MICU1: variants seen among roughly 807,000 people sequenced by gnomAD.
MICU1 encodes the protein mitochondrial calcium uptake 1.
A neutral mutation model predicts 56.8 loss-of-function variants in MICU1; 45 were observed. The ratio of observed to expected loss-of-function variants is 0.79; its 90% CI spans 0.62 to 1.02. The LOEUF is 1.02. Ranked by LOEUF, MICU1 falls within the 50% of genes least tolerant of loss-of-function variation. The probability of loss-of-function intolerance (pLI) is 0.00; values close to 1 mark genes in which losing one functional copy is unlikely to be tolerated. For missense variants in MICU1, 504 were observed against 587.1 expected (o/e 0.86, Z 1.46); for synonymous variants, 186 against 195.1 (o/e 0.95, Z 0.39).
chr10:72,448,124 T>TGTGTGG (rs1479088090), intron 8 of MICU1, among the ~76,000 whole-genome samples: 4 of 108,546 alleles, frequency 3.7e-5, no homozygotes, highest in Non-Finnish European at 7.1e-5. Flanking sequence ...TATATATATG[T>TGTGTGG]GTGTGTGTGT....
At chr10:72,518,355 TTG>T (rs1867716252) in intron 5 of MICU1, among the ~76,000 whole-genome samples, 1 of 152,004 alleles carries the variant, frequency 6.6e-6, no homozygotes, top group South Asian at 2.1e-4. Context: ...TTAAAAAAAT[TTG>T]TGTTATTAAT....
chr10:72,443,601 T>C (rs1483909832), intron 8 of MICU1, among the ~76,000 whole-genome samples: 6 of 152,226 alleles, frequency 3.9e-5, no homozygotes, highest in Non-Finnish European at 7.3e-5. Flanking sequence ...CTAGCCAGTT[T>C]TCCCAGCACC....
chr10:72,515,502 A>G (rs1208536609), intron 5 of MICU1, among the ~76,000 whole-genome samples: 1 of 152,186 alleles, frequency 6.6e-6, no homozygotes, highest in Non-Finnish European at 1.5e-5. Context: ...ATATCTAGCT[A>G]TCACAAACTA....
At chr10:72,437,326 T>C (rs1864765751) in intron 8 of MICU1, among the ~76,000 whole-genome samples, 1 of 152,112 alleles carries the variant, frequency 6.6e-6, no homozygotes, top group Non-Finnish European at 1.5e-5. Flanking sequence ...AATAAAATCC[T>C]TTACAGACAA....
At chr10:72,423,808 T>C (rs1396350149) in intron 8 of MICU1, among the ~76,000 whole-genome samples, 1 of 152,200 alleles carries the variant, frequency 6.6e-6, no homozygotes, top group Non-Finnish European at 1.5e-5. Flanking sequence ...ATAATATTGA[T>C]TACTCTTCTA....
At chr10:72,591,946 G>C (rs187894723) in intron 1 of MICU1, among the ~76,000 whole-genome samples, 1 of 151,642 alleles carries the variant, frequency 6.6e-6, no homozygotes, top group East Asian at 2.0e-4. Flanking sequence ...AAGAGGCAGA[G>C]GTTGCAGTGA....
At chr10:72,471,346 A>C (rs1237302781) in intron 8 of MICU1, among the ~76,000 whole-genome samples, 1 of 152,198 alleles carries the variant, frequency 6.6e-6, no homozygotes, top group Non-Finnish European at 1.5e-5. Flanking sequence ...GGACTCCCAA[A>C]GTGCTGGGAT....
At chr10:72,614,197 G>A (rs1169956065) in intron 1 of MICU1, among the ~76,000 whole-genome samples, 1 of 151,768 alleles carries the variant, frequency 6.6e-6, no homozygotes, top group African/African-American at 2.4e-5. Flanking sequence ...CATTCAAATG[G>A]CTATTACTTA....
chr10:72,505,165 G>A (rs1241966866), intron 6 of MICU1, among the ~76,000 whole-genome samples: 1 of 151,708 alleles, frequency 6.6e-6, no homozygotes, highest in Admixed American at 6.6e-5. Flanking sequence ...TTTTAGTAGA[G>A]ATGGGGTTTC....
chr10:72,442,018 C>A lies in MICU1; in HGVS notation c.934-18647G>T, dbSNP rs140690072. 2.8e-3 allele frequency among the ~76,000 whole-genome samples: 425 copies of A among 152,242 alleles called. 3 individuals are homozygous for A. The highest frequency in any genetic ancestry group is 9.7e-3 in the African/African-American group (401 of 41,530). ...GAAAACTCTCTAAGTCAGTAGACTA[C>A]AATCTAATGATTAGAATATCGAAAC... On this transcript the variant is annotated intron_variant, in intron 8 of 11. Transcript: ENST00000361114.
At chr10:72,460,578 GATA>G (rs1272224475) in intron 8 of MICU1, among the ~76,000 whole-genome samples, 1 of 152,060 alleles carries the variant, frequency 6.6e-6, no homozygotes, top group African/African-American at 2.4e-5. Context: ...GAATTTAGAG[GATA>G]ATAATCTGAT....
chr10:72,571,042 A>G (rs557491895), intron 1 of MICU1, among the ~76,000 whole-genome samples: 2 of 152,320 alleles, frequency 1.3e-5, no homozygotes, highest in African/African-American at 4.8e-5. Flanking sequence ...GAAGTTTTCA[A>G]TGTTTAAAAT....
chr10:72,603,323 G>A (rs189192834), intron 1 of MICU1, among the ~76,000 whole-genome samples: 78 of 151,042 alleles, frequency 5.2e-4, no homozygotes, highest in Admixed American at 1.2e-3. Context: ...GGAGATGGAG[G>A]TTGCAGTGAG....
intron 10 of MICU1, among the ~76,000 whole-genome samples, chr10:72,378,731 T>C (rs7090153): frequency 0.44 from 66,911 of 152,086 alleles, 18,680 homozygotes; most frequent in Non-Finnish European, 0.64. Flanking sequence ...TAACGGGACC[T>C]GGGCTCCAGT....
intron 8 of MICU1, among the ~76,000 whole-genome samples, chr10:72,453,821 G>C (rs113543121): frequency 2.7e-5 from 4 of 146,976 alleles, no homozygotes; most frequent in Admixed American, 6.8e-5. Flanking sequence ...GTGAGCCACC[G>C]CGCCTGGCCT....
intron 9 of MICU1, among the ~76,000 whole-genome samples, chr10:72,422,475 C>A (rs983088011): frequency 5.3e-5 from 8 of 152,222 alleles, no homozygotes; most frequent in African/African-American, 1.9e-4. Flanking sequence ...AGAGCCTCCT[C>A]TTCCACCTCT....
At position 72,475,259 on chromosome 10, in the gene MICU1, C is replaced by A. The variant is rs1473724717; in HGVS notation, c.774G>T (p.Met258Ile). ...CAGTAGTTGGACGATCTCTGTGGCG[C>A]ATACCCATACTGGTTTGGGAGCGAA... is the stretch of plus-strand genomic sequence containing the variant. ...SIIRSQTSMG[M>I]RHRDRPTTGN... Residue 258 changes from methionine (M) to isoleucine (I), a missense_variant, in exon 8 of 12, where the codon ATG becomes ATT. By Grantham distance (10) the Met-to-Ile change is conservative (BLOSUM62 1). Transcript: ENST00000361114. The A allele has an allele frequency of 6.2e-7, 1 of 1,608,954 alleles. No homozygotes were observed. Among genetic ancestry groups the A allele is most frequent in the Non-Finnish European group, 8.5e-7 (1 of 1,177,504 alleles).
chr10:72,468,613 G>A (rs151324195), intron 8 of MICU1, among the ~76,000 whole-genome samples: 1 of 150,240 alleles, frequency 6.7e-6, no homozygotes, highest in East Asian at 2.0e-4. Flanking sequence ...AGAAAAAAGG[G>A]TAGAATGAAA....
chr10:72,489,391 G>C (rs1027376620), intron 6 of MICU1, among the ~76,000 whole-genome samples: 1 of 151,824 alleles, frequency 6.6e-6, no homozygotes, highest in Non-Finnish European at 1.5e-5. Flanking sequence ...AACTCTATAA[G>C]GTAGATAGTT....
Sources: allele counts gnomAD v4.1 joint callset (sites outside exome capture counted in the v4.1 genomes callset), GRCh38; gene constraint gnomAD v4.1.1; transcripts MANE v1.5; gene names NCBI Gene and HGNC (gene_info 2026-07-23, HGNC 2026-07-21).